Variants in AHNAK observed in about 807,000 individuals in gnomAD.
AHNAK encodes the protein AHNAK nucleoprotein.
A neutral mutation model predicts 37.8 loss-of-function variants in AHNAK; 23 were observed. The observed-to-expected ratio is 0.61, with a 90% CI of 0.44 to 0.86. The LOEUF is 0.86. AHNAK is among the 40% of genes least tolerant of loss of function. AHNAK has a pLI of 0.00. For missense variants in AHNAK, 7,411 were observed against 7,319.4 expected, an observed-to-expected ratio of 1.01 and a Z score of -0.46; for synonymous variants, 2,481 against 2,636.3, an observed-to-expected ratio of 0.94 and a Z score of 1.80.
chr11:62,452,360 C>T (rs987951525), intron 5 of AHNAK, among the ~76,000 whole-genome samples: 5 of 152,140 alleles, frequency 3.3e-5, no homozygotes, highest in Admixed American at 2.6e-4. Context: ...GCAGGCCGTC[C>T]CGCTCTGGAA....
In AHNAK at chr11:62,532,367, C is replaced by T. The variant is rs763485398; in HGVS notation, c.2050G>A (p.Asp684Asn). ...EGLGGKLKGP[D>N]VKLPDMSVKT... ...ACACTCATATCAGGCAGCTTAACAT[C>T]GGGGCCTTTAAGTTTTCCCCCCAGA... The change falls in exon 5 of 5, where the codon GAT (aspartate) becomes AAT (asparagine). Residue 684 changes from aspartate (D) to asparagine (N), a missense_variant. Asp to Asn is a conservative substitution (Grantham distance 23). Coordinates refer to ENST00000378024, the MANE Select transcript of AHNAK (RefSeq NM_001620.3). 42 of 1,614,042 alleles carry T rather than the reference C, an allele frequency of 2.6e-5. No homozygotes were observed. Among genetic ancestry groups the T allele is most frequent in the Admixed American group, 1.7e-4 (10 of 60,000 alleles).
Position 62,491,934 on chromosome 11 carries a change from C to A in AHNAK, c.343-103G>T. 2.9e-6 allele frequency: 3 copies of A among 1,023,808 alleles called. No individual in the cohort carries two copies. In the South Asian group the frequency reaches 4.6e-5, roughly 16 times the overall value. The allele number at this position is 1,023,808 out of a possible 1,614,324, so 63.4% of individuals were successfully genotyped here. Reference sequence around the variant, plus strand: ...GGTGTATAAAATACCAGAGACCCCACGTTTACCACTACCACCCCCCAACAC... The same window carrying A: ...GGTGTATAAAATACCAGAGACCCCAAGTTTACCACTACCACCCCCCAACAC... On this transcript the variant is annotated intron_variant, in intron 4 of 5. Coordinates refer to the AHNAK transcript ENST00000257247.
chr11:62,506,229 A>G (rs1939809778), intron 4 of AHNAK, among the ~76,000 whole-genome samples: 1 of 150,278 alleles, frequency 6.7e-6, no homozygotes, highest in Non-Finnish European at 1.5e-5. Flanking sequence ...AATAATAATA[A>G]GTAAATAAAT....
chr11:62,475,851 C>T (rs992803646), intron 5 of AHNAK, among the ~76,000 whole-genome samples: 1 of 151,898 alleles, frequency 6.6e-6, no homozygotes, highest in Admixed American at 6.6e-5. Flanking sequence ...GTGATCCGCC[C>T]GCCTCAGTCT....
intron 5 of AHNAK, among the ~76,000 whole-genome samples, chr11:62,462,603 A>G (rs921497785): frequency 2.0e-5 from 3 of 152,204 alleles, no homozygotes; most frequent in Non-Finnish European, 4.4e-5. Flanking sequence ...CGGTAGATAG[A>G]TAACTTAATC....
rs1940272930 is a variant in AHNAK, at chr11:62,522,128, C to T, written c.12289G>A (p.Asp4097Asn). 1.2e-6 allele frequency: 2 copies of T among 1,613,774 alleles called. No individual in the cohort carries two copies. The highest frequency in any genetic ancestry group is 1.1e-5 in the South Asian group (1 of 91,062). Residue 4097 changes from aspartate (D) to asparagine (N), a missense_variant, in exon 5 of 5, where the codon GAC becomes AAC. Physicochemically the swap from Asp to Asn is conservative, Grantham distance 23. Coordinates refer to ENST00000378024, the MANE Select transcript of AHNAK (RefSeq NM_001620.3). Reference sequence around the variant, plus strand: ...ATATCAATATCAGGAGTGTCAATGTCCACTTTGGGTCCTGAGACATCAATG... The same window carrying T: ...ATATCAATATCAGGAGTGTCAATGTTCACTTTGGGTCCTGAGACATCAATG... Reference protein sequence around the residue: ...ADIDVSGPKVDIDTPDIDIHG... With the variant: ...ADIDVSGPKVNIDTPDIDIHG...
intron 5 of AHNAK, among the ~76,000 whole-genome samples, chr11:62,457,908 ATTTTT>A (rs373610508): frequency 8.1e-6 from 1 of 123,514 alleles, no homozygotes; most frequent in Non-Finnish European, 1.7e-5. Flanking sequence ...GAGAAGCTGA[ATTTTT>A]TTTTTTTTTT....
At chr11:62,515,901 A>G (rs1040892765), downstream of AHNAK, 12 of 1,143,746 alleles carry the variant, frequency 1.0e-5, no homozygotes, top group African/African-American at 1.6e-5. Context: ...GGCACAAGAC[A>G]TCAAGGTTAA....
In AHNAK at chr11:62,526,390, A is replaced by G. The variant is rs761398009; in HGVS notation, c.8027T>C (p.Ile2676Thr). The part of the protein sequence containing the change: ...DIDVSGPKVD[I>T]EGPDVNIEGP... ...TTCAATGTTAACATCAGGGCCTTCA[A>G]TGTCCACTTTGGGTCCTGAGACATC... The change falls in exon 5 of 5, where the codon ATT becomes ACT. Residue 2676 changes from isoleucine to threonine, a missense_variant. Ile to Thr is a moderately conservative substitution (Grantham distance 89). Coordinates refer to ENST00000378024, the MANE Select transcript of AHNAK (RefSeq NM_001620.3). 2.1e-5 allele frequency: 34 copies of G among 1,608,380 alleles called. No individual in the cohort carries two copies. Among genetic ancestry groups the G allele is most frequent in the Non-Finnish European group, 2.8e-5 (33 of 1,178,584 alleles).
Position 62,527,719 on chromosome 11 carries a change from T to C in AHNAK, c.6698A>G (p.Asp2233Gly). The change falls in exon 5 of 5, where the codon GAT becomes GGT. Residue 2233 changes from aspartate (D) to glycine (G), a missense_variant. Asp to Gly is a moderately conservative substitution (Grantham distance 94, BLOSUM62 -1). Coordinates refer to ENST00000378024, the MANE Select transcript of AHNAK (RefSeq NM_001620.3). Reference protein sequence around the residue: ...PKVDIDAPDVDVHGPDWHLKM... With the variant: ...PKVDIDAPDVGVHGPDWHLKM... The stretch of plus-strand genomic sequence containing the variant: ...CAGGTGCCAGTCTGGGCCATGAACA[T>C]CCACATCTGGGGCATCAATGTCCAC... 1 of 1,614,020 alleles carries C rather than the reference T, an allele frequency of 6.2e-7. No individual in the cohort carries two copies. Among genetic ancestry groups the C allele is most frequent in the Non-Finnish European group, 8.5e-7 (1 of 1,180,006 alleles).
Position 62,524,606 on chromosome 11 carries a change from C to T in AHNAK, c.9811G>A (p.Gly3271Ser). ...DVDAPDIDIHGPDAKLKGPKL... is the reference protein window; with the variant it reads ...DVDAPDIDIHSPDAKLKGPKL... ...GGACCTTTTAATTTGGCATCTGGGC[C>T]ATGAATGTCAATATCTGGAGCATCT... Residue 3271 changes from glycine (G) to serine (S), a missense_variant, in exon 5 of 5, where the codon GGC (glycine) becomes AGC (serine). Gly to Ser is a moderately conservative substitution (Grantham distance 56). Transcript: ENST00000378024. 6.2e-7 allele frequency: 1 copy of T among 1,614,086 alleles called. No homozygotes were observed.
Position 62,499,459 on chromosome 11 carries a change from G to A in AHNAK, c.343-7628C>T, listed in dbSNP as rs140754581. ...TCAGCTATTCGGGAGACTGAGGCAA[G>A]AGAATCGCTTGAACCCGGGAGGCGG... On this transcript the variant is annotated intron_variant, in intron 4 of 5. Coordinates refer to the AHNAK transcript ENST00000257247. 1.7e-4 allele frequency among the ~76,000 whole-genome samples: 26 copies of A among 152,292 alleles called. No homozygotes were observed. The East Asian group carries it at 4.4e-3, about 26-fold the overall frequency.
rs1565248575 is a variant in AHNAK, at chr11:62,535,137, C to G, written c.208G>C (p.Val70Leu). The change falls in exon 4 of 5, where the codon GTG becomes CTG. Residue 70 changes from valine to leucine, a missense_variant. Physicochemically the swap from Val to Leu is conservative, Grantham distance 32. Coordinates refer to ENST00000378024, the MANE Select transcript of AHNAK (RefSeq NM_001620.3). ...IYFDNLQSGE[V>L]TQLLNTMGHH... is the part of the protein sequence containing the mutation. ...CCCATGGTGTTCAGCAGCTGGGTCA[C>G]CTCACCCGACTGCAGGTTGTCAAAG... is the stretch of plus-strand genomic sequence containing the variant. The G allele has an allele frequency of 6.2e-7, 1 of 1,613,454 alleles. No homozygotes were observed.
In AHNAK at chr11:62,518,443, T is replaced by C. The variant is rs1167962791; in HGVS notation, c.15974A>G (p.His5325Arg). The C allele has an allele frequency of 6.2e-7, 1 of 1,614,120 alleles. No homozygotes were observed. Among genetic ancestry groups the C allele is most frequent in the Admixed American group, 1.7e-5 (1 of 60,028 alleles). ...ACCACTGAGGTTGAGCCCTGGAGCA[T>C]GCACCTTCATGCTGGGAACAGATGC... ...LDASVPSMKV[H>R]APGLNLSGVG... is the part of the protein sequence containing the mutation. The change falls in exon 5 of 5, where the codon CAT (histidine) becomes CGT (arginine). Residue 5325 changes from histidine to arginine, a missense_variant. His to Arg is a conservative substitution (Grantham distance 29). Transcript: ENST00000378024.
Position 62,527,930 on chromosome 11 carries a change from G to A in AHNAK, c.6487C>T (p.Pro2163Ser). The change falls in exon 5 of 5, where the codon CCT (proline) becomes TCT (serine). Residue 2163 changes from proline to serine, a missense_variant. Transcript: ENST00000378024. Reference protein sequence around the residue: ...VEVPDVELECPDAKLKGPKFK... With the variant: ...VEVPDVELECSDAKLKGPKFK... ...TTGGGCCCTTTCAACTTTGCATCAG[G>A]ACACTCCAGCTCAACATCAGGCACC... 5 of 1,613,140 alleles carry A rather than the reference G, an allele frequency of 3.1e-6. No individual in the cohort carries two copies. The South Asian group carries it at 4.4e-5, about 14-fold the overall frequency.
intron 1 of AHNAK, chr11:62,545,729 C>G (rs1278841725): frequency 2.0e-5 from 3 of 152,916 alleles, no homozygotes; most frequent in African/African-American, 7.2e-5. Context: ...CTTCCTCCTC[C>G]CCTTTGCCCC....
chr11:62,533,354 C>G lies in AHNAK; in HGVS notation c.1063G>C (p.Glu355Gln). 1.9e-6 allele frequency: 3 copies of G among 1,562,484 alleles called. No individual in the cohort carries two copies. Among genetic ancestry groups the G allele is most frequent in the Non-Finnish European group, 2.6e-6 (3 of 1,156,126 alleles). Residue 355 changes from glutamate to glutamine, a missense_variant, in exon 5 of 5, where the codon GAA becomes CAA. By Grantham distance (29) the Glu-to-Gln change is conservative. Transcript: ENST00000378024. ...PGLTIQAPQL[E>Q]VSVPSANIEG... Reference sequence around the variant, plus strand: ...ATATTGGCAGAGGGCACACTGACTTCCAGCTGAGGGGCTTGGATAGTCAAG... The same window carrying G: ...ATATTGGCAGAGGGCACACTGACTTGCAGCTGAGGGGCTTGGATAGTCAAG...
chr11:62,447,441 T>C (rs1938440916), intron 5 of AHNAK, among the ~76,000 whole-genome samples: 1 of 152,136 alleles, frequency 6.6e-6, no homozygotes, highest in Admixed American at 6.6e-5. Context: ...AGAACGTCTG[T>C]TCCACGCTGT....
Position 62,528,748 on chromosome 11 carries a change from C to A in AHNAK, c.5669G>T (p.Gly1890Val). The A allele has an allele frequency of 3.7e-6, 6 of 1,608,238 alleles. No individual in the cohort carries two copies. The highest frequency in any genetic ancestry group is 5.1e-6 in the Non-Finnish European group (6 of 1,178,418). Residue 1890 changes from glycine (G) to valine (V), a missense_variant, in exon 5 of 5, where the codon GGT (glycine) becomes GTT (valine). By Grantham distance (109) the Gly-to-Val change is moderately radical (BLOSUM62 -3). Coordinates refer to ENST00000378024, the MANE Select transcript of AHNAK (RefSeq NM_001620.3). ...CAGCTCAACATCAGGCACCTCCACA[C>A]CCACACTGGGGCCTGTTAAATCTCC... is the stretch of plus-strand genomic sequence containing the variant. ...LEGDLTGPSVGVEVPDVELEC... is the reference protein window; with the variant it reads ...LEGDLTGPSVVVEVPDVELEC...
Sources: allele counts gnomAD v4.1 joint callset (sites outside exome capture counted in the v4.1 genomes callset), GRCh38; gene constraint gnomAD v4.1.1; transcripts MANE v1.5; gene names NCBI Gene and HGNC (gene_info 2026-07-23, HGNC 2026-07-21).